The following ESCO2 variants were observed in gnomAD, a reference collection of about 807,000 sequenced individuals.
The protein encoded by ESCO2 is N-acetyltransferase ESCO2.
In ESCO2, 51 loss-of-function variants were observed where a neutral mutation model predicts 61.7. The observed-to-expected ratio is 0.83, with a 90% CI of 0.66 to 1.04. The LOEUF (loss-of-function observed/expected upper bound fraction) is 1.04. Ranked by LOEUF, ESCO2 falls within the 50% of genes least tolerant of loss-of-function variation. ESCO2 has a pLI of 0.00. For missense variants in ESCO2, 692 were observed against 686.2 expected, an observed-to-expected ratio of 1.01 and a Z score of -0.09; for synonymous variants, 230 against 238.2, an observed-to-expected ratio of 0.97 and a Z score of 0.32.
At chr8:27,805,287 C>CAAAAAAAAAAAAA (rs869039051) in exon 11 of ESCO2, 12 of 46,022 alleles carry the variant, frequency 2.6e-4, 1 homozygote, top group African/African-American at 1.1e-3. Context: ...GACTCCGTCT[C>CAAAAAAAAAAAAA]AAAAAAAAAA....
In ESCO2 at chr8:27,803,535, G is replaced by T; in HGVS notation, c.*97G>T. 1 of 1,502,704 alleles carries T rather than the reference G, an allele frequency of 6.7e-7. No homozygotes were observed. The highest frequency in any genetic ancestry group is 8.8e-7 in the Non-Finnish European group (1 of 1,132,824). The allele number at this position is 1,502,704 out of a possible 1,614,324, so 93.1% of individuals were successfully genotyped here. ...ATTTAATATCAAAATAAAAAATACC[G>T]AGACTCACACTCATACACACACACA... On this transcript the variant is annotated 3_prime_UTR_variant, in exon 11 of 11. Transcript: ENST00000305188.
upstream of ESCO2, chr8:27,772,217 T>G (rs1337917861): frequency 1.1e-5 from 6 of 548,044 alleles, no homozygotes; most frequent in Non-Finnish European, 2.0e-5. Context: ...CCACAGGCTC[T>G]GCCCAATCCC....
chr8:27,788,569 G>C (rs1007320323), intron 6 of ESCO2, among the ~76,000 whole-genome samples: 4 of 151,748 alleles, frequency 2.6e-5, no homozygotes, highest in Non-Finnish European at 1.5e-5. Flanking sequence ...ATGTCGCCCA[G>C]ACTGGTCTCT....
chr8:27,808,523 A>T (rs1438836152), downstream of ESCO2, among the ~76,000 whole-genome samples: 12 of 151,838 alleles, frequency 7.9e-5, no homozygotes, highest in Admixed American at 2.6e-4. Flanking sequence ...AAAATAAAAA[A>T]AAAAAAATTA....
Position 27,804,188 on chromosome 8 carries a change from T to C in ESCO2, c.*750T>C. The stretch of plus-strand genomic sequence containing the variant: ...TTCTGTAGAGCAGAATTTGATAGCT[T>C]AGTGTTCAATCTTTTTGAAAATAAA... On this transcript the variant is annotated 3_prime_UTR_variant, in exon 11 of 11. Coordinates refer to ENST00000305188, the MANE Select transcript of ESCO2 (RefSeq NM_001017420.3). 1 of 985,362 alleles carries C rather than the reference T, an allele frequency of 1.0e-6. No individual in the cohort carries two copies. Among genetic ancestry groups the C allele is most frequent in the Non-Finnish European group, 1.2e-6 (1 of 829,856 alleles). 61.0% of individuals were successfully genotyped at this position (985,362 alleles called of 1,614,324 possible).
At chr8:27,807,630 G>T (rs1237948954), downstream of ESCO2, among the ~76,000 whole-genome samples, 2 of 152,086 alleles carry the variant, frequency 1.3e-5, no homozygotes, top group East Asian at 1.9e-4. Flanking sequence ...TTGCCTAGGG[G>T]TTTATCAATT....
intron 10 of ESCO2, among the ~76,000 whole-genome samples, chr8:27,802,168 T>A (rs994242125): frequency 6.6e-6 from 1 of 151,648 alleles, no homozygotes; most frequent in African/African-American, 2.4e-5. Flanking sequence ...ACAAACAAGC[T>A]GTAGGAGATG....
rs1804805821 is a variant in ESCO2 at position 27,776,915 on chromosome 8, G to A, written c.607G>A (p.Val203Ile). The stretch of plus-strand genomic sequence containing the variant: ...TCTGAGCCAAAAAATAAAACCACAA[G>A]TTACACTCCAGGGTGGAGCAGCATT... ...RVLSQKIKPQ[V>I]TLQGGAAFFV... Residue 203 changes from valine (V) to isoleucine (I), a missense_variant, in exon 3 of 11, where the codon GTT becomes ATT. Val to Ile is a conservative substitution (Grantham distance 29). Transcript: ENST00000305188. 4.3e-6 allele frequency: 7 copies of A among 1,614,080 alleles called. No homozygotes were observed. Among genetic ancestry groups the A allele is most frequent in the Admixed American group, 3.3e-5 (2 of 60,004 alleles).
downstream of ESCO2, chr8:27,810,909 T>C (rs1805664918): frequency 2.6e-6 from 3 of 1,161,926 alleles, no homozygotes; most frequent in Middle Eastern, 2.0e-4. Context: ...ATATAATCTT[T>C]AGTGTGAAAT....
rs1805083277 is a variant in ESCO2 at position 27,787,928 on chromosome 8, A to G, written c.1057A>G (p.Met353Val). ...EQFSVGSVNF[M>V]KQTNIQKNTN... ...GTTTTCTGTGGGATCTGTCAACTTC[A>G]TGAAACAGACCAATATCCAGAAAAA... Residue 353 changes from methionine to valine, a missense_variant, in exon 6 of 11, where the codon ATG becomes GTG. Met to Val is a conservative substitution (Grantham distance 21). Transcript: ENST00000305188. 2 of 1,613,740 alleles carry G rather than the reference A, an allele frequency of 1.2e-6. No homozygotes were observed. Among genetic ancestry groups the G allele is most frequent in the African/African-American group, 1.3e-5 (1 of 74,940 alleles).
chr8:27,803,637 C>T lies in ESCO2; in HGVS notation c.*199C>T. On this transcript the variant is annotated 3_prime_UTR_variant, in exon 11 of 11. Transcript: ENST00000305188. ...CAGGAATAAATTTGTTGAAAATTAT[C>T]TGGGGATTCAAAGGAAAAATCTTTG... The T allele has an allele frequency of 1.5e-6, 2 of 1,356,776 alleles. No homozygotes were observed. The highest frequency in any genetic ancestry group is 3.3e-5 in the Admixed American group (1 of 29,954). 84.0% of individuals were successfully genotyped at this position (1,356,776 alleles called of 1,614,324 possible). A position where few individuals can be genotyped will look rare whatever the true frequency, so the allele number is the denominator to read the frequency against.
At chr8:27,791,528 A>G (rs72609977) in intron 7 of ESCO2, among the ~76,000 whole-genome samples, 28,797 of 152,096 alleles carry the variant, frequency 0.19, 3,335 homozygotes, top group East Asian at 0.37. Context: ...GTAAGACTGC[A>G]CCCATCTGTG....
chr8:27,787,107 T>A (rs1005673534), intron 5 of ESCO2, among the ~76,000 whole-genome samples: 1 of 152,128 alleles, frequency 6.6e-6, no homozygotes, highest in Non-Finnish European at 1.5e-5. Context: ...CAATGTCTCT[T>A]AATATTGGAA....
intron 4 of ESCO2, among the ~76,000 whole-genome samples, chr8:27,782,418 T>G (rs1436364976): frequency 6.6e-6 from 1 of 152,166 alleles, no homozygotes; most frequent in Non-Finnish European, 1.5e-5. Flanking sequence ...TCTGCCACCA[T>G]GCCCGGCTAA....
At chr8:27,780,034 A>G (rs1804887509) in intron 3 of ESCO2, 140 bp from the exon 4 acceptor site, 1 of 646,164 alleles carries the variant, frequency 1.5e-6, no homozygotes, top group East Asian at 2.8e-5. Flanking sequence ...TAGTTTGAAA[A>G]TTGATTGAAA....
chr8:27,788,844 T>C lies in ESCO2; in HGVS notation c.1132-3T>C, dbSNP rs1805108938. On this transcript the variant is annotated splice_region_variant and splice_polypyrimidine_tract_variant and intron_variant, in intron 6 of 10. Coordinates refer to ENST00000305188, the MANE Select transcript of ESCO2 (RefSeq NM_001017420.3). Reference sequence around the variant, plus strand: ...GGTTTCTTTTTTTACCCCCCAATTATAGGACGCTGGTCAGAAACATTTTGG... The same window carrying C: ...GGTTTCTTTTTTTACCCCCCAATTACAGGACGCTGGTCAGAAACATTTTGG... 2 of 1,614,114 alleles carry C rather than the reference T, an allele frequency of 1.2e-6. No homozygotes were observed. The highest frequency in any genetic ancestry group is 1.7e-6 in the Non-Finnish European group (2 of 1,179,992).
At chr8:27,789,412 C>A (rs984095020) in intron 7 of ESCO2, among the ~76,000 whole-genome samples, 1 of 152,124 alleles carries the variant, frequency 6.6e-6, no homozygotes, top group South Asian at 2.1e-4. Flanking sequence ...AATGCCTTCA[C>A]AATATTTTTA....
At chr8:27,783,446 G>A (rs1220057681) in intron 4 of ESCO2, among the ~76,000 whole-genome samples, 1 of 151,690 alleles carries the variant, frequency 6.6e-6, no homozygotes, top group Non-Finnish European at 1.5e-5. Context: ...TTTATTTTTT[G>A]TAGAGCAAAA....
chr8:27,804,940 T>G lies in ESCO2; in HGVS notation c.*1502T>G, dbSNP rs1236535534. On this transcript the variant is annotated 3_prime_UTR_variant, in exon 11 of 11. Transcript: ENST00000305188. ...TTTAATTATTTTATTATGAAAATAG[T>G]ATATGTTAAATAAAATTCAGATAAT... 3.0e-6 allele frequency: 1 copy of G among 338,228 alleles called. No individual in the cohort carries two copies. Among genetic ancestry groups the G allele is most frequent in the Non-Finnish European group, 4.2e-6 (1 of 238,798 alleles). The allele number at this position is 338,228 out of a possible 1,614,324, so 21.0% of individuals were successfully genotyped here. A position where few individuals can be genotyped will look rare whatever the true frequency, so the allele number is the denominator to read the frequency against.
Sources: gnomAD v4.1 joint callset for allele counts (sites outside exome capture counted in the v4.1 genomes callset) on GRCh38, gnomAD v4.1.1 for gene constraint, MANE v1.5 for transcripts, NCBI Gene and HGNC (gene_info 2026-07-23, HGNC 2026-07-21) for gene names.